PRRG1: variants seen among roughly 807,000 people sequenced by gnomAD.
PRRG1 encodes the protein transmembrane gamma-carboxyglutamic acid protein 1.
A neutral mutation model predicts 11.8 loss-of-function variants in PRRG1; 5 were observed. That is an observed-to-expected ratio of 0.42 (90% CI 0.22 to 0.89). The LOEUF is 0.89. Ranked by LOEUF, PRRG1 falls within the 40% of genes least tolerant of loss-of-function variation. The pLI is 0.28. For missense variants in PRRG1, 155 were observed against 166.1 expected (o/e 0.93, Z 0.37); for synonymous variants, 66 against 60.4 (o/e 1.09, Z -0.43).
intron 1 of PRRG1, among the ~76,000 whole-genome samples, chrX:37,387,587 G>T (rs1392914747): frequency 9.0e-6 from 1 of 110,911 alleles, no homozygotes; most frequent in Non-Finnish European, 1.9e-5. Context: ...ATCAGATCTC[G>T]GGAGAACTCA....
chrX:37,368,500 C>T (rs1334444500), intron 1 of PRRG1, among the ~76,000 whole-genome samples: 2 of 111,565 alleles, frequency 1.8e-5, no homozygotes, highest in Non-Finnish European at 3.8e-5. Context: ...TTGCTTAACT[C>T]TTTGCGAGGT....
intron 3 of PRRG1, among the ~76,000 whole-genome samples, chrX:37,430,041 G>T (rs953844660): frequency 6.2e-5 from 7 of 112,054 alleles, no homozygotes; most frequent in African/African-American, 2.3e-4. Flanking sequence ...CCCACAGCAC[G>T]TGGGAATTCT....
intron 1 of PRRG1, among the ~76,000 whole-genome samples, chrX:37,376,140 T>G (rs1231199093): frequency 9.0e-6 from 1 of 111,182 alleles, no homozygotes; most frequent in African/African-American, 3.3e-5. Flanking sequence ...AAAATGAAAG[T>G]CAGGTTTTCA....
intron 1 of PRRG1, among the ~76,000 whole-genome samples, chrX:37,373,749 T>G (rs1178671150): frequency 1.8e-5 from 2 of 112,077 alleles, no homozygotes; most frequent in African/African-American, 6.5e-5. Context: ...CTTTCTATTT[T>G]CTGATTTTCA....
chrX:37,386,746 A>T (rs2146548593), intron 1 of PRRG1: 1 of 112,090 alleles, frequency 8.9e-6, no homozygotes, highest in Non-Finnish European at 1.9e-5. Flanking sequence ...AAATTGTTTA[A>T]CCACTCTGTA....
intron 2 of PRRG1, among the ~76,000 whole-genome samples, chrX:37,422,771 A>G (rs147934478): frequency 2.7e-5 from 3 of 111,841 alleles, no homozygotes; most frequent in African/African-American, 9.7e-5. Flanking sequence ...AAAAGTTTCT[A>G]TTGCCTAGTG....
chrX:37,449,481 T>C (rs1456721272), intron 3 of PRRG1, among the ~76,000 whole-genome samples: 1 of 112,040 alleles, frequency 8.9e-6, no homozygotes, highest in Non-Finnish European at 1.9e-5. Flanking sequence ...AAGCACACAT[T>C]TTATAAAAGG....
At chrX:37,389,156 G>A (rs781941072) in intron 1 of PRRG1, among the ~76,000 whole-genome samples, 24 of 111,042 alleles carry the variant, frequency 2.2e-4, no homozygotes, top group African/African-American at 6.9e-4. Context: ...AGACCTCTTC[G>A]GCCTGGCCTT....
chrX:37,382,209 G>C (rs1403099574), intron 1 of PRRG1, among the ~76,000 whole-genome samples: 1 of 111,484 alleles, frequency 9.0e-6, no homozygotes, highest in Non-Finnish European at 1.9e-5. Context: ...AATTTTTGTA[G>C]TTTATTTCAG....
intron 2 of PRRG1, among the ~76,000 whole-genome samples, chrX:37,408,640 C>G (rs145056515): frequency 6.8e-4 from 76 of 111,651 alleles, no homozygotes; most frequent in Non-Finnish European, 7.2e-4. Context: ...TGGGCTTTCC[C>G]GCTAGACAAG....
intron 2 of PRRG1, among the ~76,000 whole-genome samples, chrX:37,422,660 A>G (rs1932695879): frequency 8.9e-6 from 1 of 112,083 alleles, no homozygotes; most frequent in South Asian, 3.7e-4. Context: ...AAATGCATGT[A>G]TCATGTTCCT....
chrX:37,399,057 G>A (rs1161185176), intron 1 of PRRG1, among the ~76,000 whole-genome samples: 1 of 112,213 alleles, frequency 8.9e-6, no homozygotes, highest in African/African-American at 3.2e-5. Flanking sequence ...AAAACACTCT[G>A]CAGGGTATTA....
intron 3 of PRRG1, among the ~76,000 whole-genome samples, chrX:37,433,104 A>G (rs1035902201): frequency 2.7e-4 from 30 of 111,519 alleles, no homozygotes; most frequent in African/African-American, 9.8e-4. Flanking sequence ...CATCTGTATG[A>G]TTTTTTGGCC....
At chrX:37,415,707 A>G in intron 2 of PRRG1, among the ~76,000 whole-genome samples, 1 of 111,984 alleles carries the variant, frequency 8.9e-6, no homozygotes, top group South Asian at 3.8e-4. Flanking sequence ...TTTGCTATAC[A>G]CGGACATTTA....
intron 1 of PRRG1, among the ~76,000 whole-genome samples, chrX:37,374,391 T>C (rs982230591): frequency 8.9e-5 from 10 of 111,989 alleles, no homozygotes; most frequent in African/African-American, 3.2e-4. Flanking sequence ...GACTTCTCTG[T>C]ATTTATTCTG....
At chrX:37,396,991 T>C (rs1931740091) in intron 1 of PRRG1, among the ~76,000 whole-genome samples, 1 of 111,982 alleles carries the variant, frequency 8.9e-6, no homozygotes, top group Non-Finnish European at 1.9e-5. Context: ...TTGCCTCCAG[T>C]TGAGAACCAC....
chrX:37,356,306 G>C (rs981972235), intron 1 of PRRG1, among the ~76,000 whole-genome samples: 3 of 111,187 alleles, frequency 2.7e-5, no homozygotes. Context: ...GTTGGAGGGA[G>C]GTAATCAGGG....
At chrX:37,439,610 GCCA>G (rs1336499821) in intron 3 of PRRG1, among the ~76,000 whole-genome samples, 1 of 110,540 alleles carries the variant, frequency 9.0e-6, no homozygotes, top group Non-Finnish European at 1.9e-5. Context: ...TGATGGTTAT[GCCA>G]GGGGCTTTAC....
intron 3 of PRRG1, chrX:37,441,663 G>A (rs781909210): frequency 1.1e-5 from 9 of 799,681 alleles, no homozygotes; most frequent in Non-Finnish European, 1.4e-5. Context: ...GGGACAATGC[G>A]GCCCTGGAGC....
Sources: gnomAD v4.1 joint callset for allele counts (sites outside exome capture counted in the v4.1 genomes callset) on GRCh38, gnomAD v4.1.1 for gene constraint, MANE v1.5 for transcripts, NCBI Gene and HGNC (gene_info 2026-07-23, HGNC 2026-07-21) for gene names.